The following PRKG2 variants were observed in gnomAD, a reference collection of about 807,000 sequenced individuals.
The protein encoded by PRKG2 is protein kinase cGMP-dependent 2.
PRKG2 carries 33 observed loss-of-function variants against 97.2 expected under a neutral mutation model. That is an observed-to-expected ratio of 0.34 (90% CI 0.26 to 0.45). The LOEUF (loss-of-function observed/expected upper bound fraction) is 0.45. Ranked by LOEUF, PRKG2 falls within the 20% of genes least tolerant of loss-of-function variation. The pLI is 1.00. For missense variants in PRKG2, 638 were observed against 900.0 expected (o/e 0.71, Z 3.73); for synonymous variants, 330 against 321.8 (o/e 1.03, Z -0.27).
At chr4:81,168,308 T>C (rs1750167529) in intron 5 of PRKG2, among the ~76,000 whole-genome samples, 1 of 152,094 alleles carries the variant, frequency 6.6e-6, no homozygotes. Context: ...AGGTTTATCT[T>C]GTTAACCACT....
chr4:81,103,437 T>C (rs1279651670), intron 17 of PRKG2, among the ~76,000 whole-genome samples: 1 of 152,122 alleles, frequency 6.6e-6, no homozygotes, highest in Non-Finnish European at 1.5e-5. Flanking sequence ...GGTTTGAGGT[T>C]CTGTGGAAAC....
At chr4:81,167,005 A>G (rs1343860306) in intron 6 of PRKG2, among the ~76,000 whole-genome samples, 156 bp downstream of exon 6, 2 of 152,170 alleles carry the variant, frequency 1.3e-5, no homozygotes, top group African/African-American at 4.8e-5. Context: ...CCCTTAACAC[A>G]GCATGAGTTG....
At chr4:81,128,287 A>G (rs1745810237) in intron 14 of PRKG2, among the ~76,000 whole-genome samples, 1 of 152,046 alleles carries the variant, frequency 6.6e-6, no homozygotes, top group South Asian at 2.1e-4. Flanking sequence ...TTAGCCTGAA[A>G]TTTTCTGTTT....
chr4:81,189,063 T>TAAAAAA (rs1401411435), intron 2 of PRKG2, among the ~76,000 whole-genome samples: 2 of 6,418 alleles, frequency 3.1e-4, no homozygotes, highest in African/African-American at 1.4e-3. Flanking sequence ...TTAAAAAAAA[T>TAAAAAA]AATAAAAAAA....
chr4:81,155,800 C>G (rs1055199331), intron 6 of PRKG2, among the ~76,000 whole-genome samples: 4 of 152,072 alleles, frequency 2.6e-5, no homozygotes, highest in African/African-American at 9.6e-5. Flanking sequence ...AAAGAATTTT[C>G]AACCCAGAAT....
intron 1 of PRKG2, among the ~76,000 whole-genome samples, chr4:81,207,531 A>G (rs749757208): frequency 6.6e-5 from 10 of 152,210 alleles, no homozygotes; most frequent in Non-Finnish European, 1.5e-4. Context: ...CAGTTTTAGC[A>G]TTACAAATAT....
intron 15 of PRKG2, among the ~76,000 whole-genome samples, chr4:81,106,949 G>A (rs1367072191): frequency 6.6e-6 from 1 of 152,186 alleles, no homozygotes; most frequent in Non-Finnish European, 1.5e-5. Context: ...CCAACCTGCA[G>A]CTGTGAAAAA....
At chr4:81,207,064 G>A (rs796296646) in intron 1 of PRKG2, among the ~76,000 whole-genome samples, 3 of 152,246 alleles carry the variant, frequency 2.0e-5, no homozygotes, top group African/African-American at 7.2e-5. Flanking sequence ...TATATATTAT[G>A]AATGTATAAG....
At chr4:81,157,200 AAAAG>A (rs1454982572) in intron 6 of PRKG2, among the ~76,000 whole-genome samples, 2 of 152,216 alleles carry the variant, frequency 1.3e-5, no homozygotes, top group Admixed American at 1.3e-4. Context: ...AATAAAGAAA[AAAAG>A]AGAGAAGAAT....
chr4:81,179,771 G>C (rs544308519), intron 2 of PRKG2, among the ~76,000 whole-genome samples: 1 of 152,248 alleles, frequency 6.6e-6, no homozygotes, highest in South Asian at 2.1e-4. Context: ...TATGTTAAAA[G>C]TTTAGTAAGT....
intron 13 of PRKG2, among the ~76,000 whole-genome samples, chr4:81,136,164 G>C (rs1002744098): frequency 6.6e-6 from 1 of 152,038 alleles, no homozygotes; most frequent in Admixed American, 6.6e-5. Flanking sequence ...CACCCTTCCA[G>C]GTTCTCCCCA....
At chr4:81,214,679 C>G (rs559617561) in intron 1 of PRKG2, among the ~76,000 whole-genome samples, 1 of 152,292 alleles carries the variant, frequency 6.6e-6, no homozygotes, top group East Asian at 1.9e-4. Context: ...TGAGCCCCTC[C>G]CGCCCTCAAC....
intron 6 of PRKG2, among the ~76,000 whole-genome samples, chr4:81,165,717 GTTTTTCAAA>G (rs1749924926): frequency 6.6e-6 from 1 of 152,068 alleles, no homozygotes; most frequent in African/African-American, 2.4e-5. Flanking sequence ...GAAAAGATGA[GTTTTTCAAA>G]TTTGAATTGT....
chr4:81,203,033 T>C (rs181545011), intron 2 of PRKG2, among the ~76,000 whole-genome samples: 48 of 151,976 alleles, frequency 3.2e-4, no homozygotes, highest in African/African-American at 1.0e-3. Context: ...TACTTACGTG[T>C]ACATATATAG....
intron 14 of PRKG2, among the ~76,000 whole-genome samples, chr4:81,126,937 T>G (rs1302802874): frequency 6.6e-6 from 1 of 152,202 alleles, no homozygotes; most frequent in African/African-American, 2.4e-5. Flanking sequence ...AGTCACAAAG[T>G]CTTTGCCCAT....
chr4:81,093,338 A>G (rs1028958114), intron 17 of PRKG2, among the ~76,000 whole-genome samples: 1 of 149,422 alleles, frequency 6.7e-6, no homozygotes, highest in Non-Finnish European at 1.5e-5. Context: ...CATCCAATCT[A>G]AAATTGAAAC....
chr4:81,102,351 A>G (rs1025409889), intron 17 of PRKG2, among the ~76,000 whole-genome samples: 1 of 152,204 alleles, frequency 6.6e-6, no homozygotes, highest in African/African-American at 2.4e-5. Flanking sequence ...CAGCTATGCC[A>G]AAGCATAACA....
chr4:81,189,182 T>C (rs1390454313), intron 2 of PRKG2, among the ~76,000 whole-genome samples: 1 of 124,210 alleles, frequency 8.1e-6, no homozygotes, highest in Non-Finnish European at 1.5e-5. Context: ...CTTCTATTTC[T>C]AATTACATAT....
At chr4:81,133,267 G>T (rs527986082) in intron 14 of PRKG2, among the ~76,000 whole-genome samples, 13 of 152,168 alleles carry the variant, frequency 8.5e-5, no homozygotes, top group African/African-American at 2.6e-4. Flanking sequence ...ATGTTTCTTT[G>T]CATGTAATCT....
Sources: allele counts gnomAD v4.1 joint callset (sites outside exome capture counted in the v4.1 genomes callset), GRCh38; gene constraint gnomAD v4.1.1; transcripts MANE v1.5; gene names NCBI Gene and HGNC (gene_info 2026-07-23, HGNC 2026-07-21).